FBXL20: variants seen among roughly 807,000 people sequenced by gnomAD.
The protein encoded by FBXL20 is F-box and leucine rich repeat protein 20, also known as F-box/LRR-repeat protein 20.
In FBXL20, 11 loss-of-function variants were observed where a neutral mutation model predicts 64.0. The ratio of observed to expected loss-of-function variants is 0.17; its 90% CI spans 0.11 to 0.28. FBXL20 has a LOEUF of 0.28. Among genes scored for constraint, FBXL20 ranks in the 10% least tolerant of loss-of-function variants. The pLI, the probability that FBXL20 is intolerant of heterozygous loss-of-function variation, is 1.00. For synonymous variants in FBXL20, 184 were observed against 189.0 expected (o/e 0.97, Z 0.22); for missense variants, 303 against 526.2 (o/e 0.58, Z 4.15).
At chr17:39,311,583 C>A (rs2047236071) in intron 2 of FBXL20, among the ~76,000 whole-genome samples, 1 of 152,128 alleles carries the variant, frequency 6.6e-6, no homozygotes, top group African/African-American at 2.4e-5. Flanking sequence ...GATTATCCAA[C>A]TCCACTCCCA....
At chr17:39,387,014 T>C (rs1400890057) in intron 1 of FBXL20, among the ~76,000 whole-genome samples, 2 of 152,212 alleles carry the variant, frequency 1.3e-5, no homozygotes, top group Non-Finnish European at 1.5e-5. Context: ...TTCCCTGACT[T>C]ACGATGGTTT....
chr17:39,332,536 C>CTTTTTTTT (rs58827473), intron 2 of FBXL20, among the ~76,000 whole-genome samples: 1 of 96,962 alleles, frequency 1.0e-5, no homozygotes, highest in Non-Finnish European at 1.9e-5. Context: ...TTCTTTGTAT[C>CTTTTTTTT]TTTTTTTTTT....
intron 1 of FBXL20, among the ~76,000 whole-genome samples, chr17:39,380,150 CACAAA>C (rs1167551393): frequency 6.6e-6 from 1 of 152,056 alleles, no homozygotes; most frequent in Admixed American, 6.6e-5. Context: ...TCACAGTCTA[CACAAA>C]ACAAGAGTGA....
chr17:39,340,100 G>A (rs1056732140), intron 2 of FBXL20, among the ~76,000 whole-genome samples: 4 of 152,002 alleles, frequency 2.6e-5, no homozygotes, highest in African/African-American at 9.7e-5. Flanking sequence ...CTAATTCCTG[G>A]GGTTTTTGTT....
chr17:39,313,232 T>C (rs1193106034), intron 2 of FBXL20, among the ~76,000 whole-genome samples: 1 of 147,586 alleles, frequency 6.8e-6, no homozygotes, highest in Non-Finnish European at 1.5e-5. Flanking sequence ...TTTGTTTTTT[T>C]CTTAATTTGT....
At chr17:39,348,807 C>T (rs537736921) in intron 1 of FBXL20, among the ~76,000 whole-genome samples, 3 of 152,120 alleles carry the variant, frequency 2.0e-5, no homozygotes, top group African/African-American at 4.8e-5. Context: ...CAATGCTCCC[C>T]CTTCGGCCTC....
chr17:39,389,505 C>A (rs951956291), intron 1 of FBXL20, among the ~76,000 whole-genome samples: 15 of 151,970 alleles, frequency 9.9e-5, no homozygotes, highest in Admixed American at 2.6e-4. Context: ...AGGGTATTGG[C>A]AATGCAGTGC....
intron 8 of FBXL20, among the ~76,000 whole-genome samples, chr17:39,281,899 G>A (rs2046952980): frequency 6.6e-6 from 1 of 152,158 alleles, no homozygotes; most frequent in Non-Finnish European, 1.5e-5. Context: ...CTGGAAGATA[G>A]GTGCCATGCT....
intron 2 of FBXL20, among the ~76,000 whole-genome samples, chr17:39,306,619 G>A (rs557681415): frequency 7.2e-5 from 11 of 152,234 alleles, no homozygotes; most frequent in South Asian, 4.1e-4. Context: ...GTCTATGTCT[G>A]CTTTATGCCA....
At position 39,256,282 on chromosome 17, in the gene FBXL20, T is replaced by C. The variant is rs181223475; in HGVS notation, c.*5178A>G. The C allele has an allele frequency of 5.0e-4, 66 of 133,312 alleles. No homozygotes were observed. Among genetic ancestry groups the C allele is most frequent in the African/African-American group, 1.8e-3 (62 of 34,372 alleles). 8.3% of individuals were successfully genotyped at this position (133,312 alleles called of 1,614,324 possible). ...GTTGCAGTGAACTGAGATTGTGCCA[T>C]GGCACTCCAACCTGGGTGACAGAGC... is the stretch of plus-strand genomic sequence containing the variant. On this transcript the variant is annotated 3_prime_UTR_variant, in exon 15 of 15. Coordinates refer to ENST00000264658, the MANE Select transcript of FBXL20 (RefSeq NM_032875.3).
At chr17:39,356,347 T>C (rs1333897307) in intron 1 of FBXL20, among the ~76,000 whole-genome samples, 1 of 152,036 alleles carries the variant, frequency 6.6e-6, no homozygotes, top group African/African-American at 2.4e-5. Context: ...AGATATACAA[T>C]TGTTTCACCA....
chr17:39,303,346 A>G (rs111827586), intron 3 of FBXL20, among the ~76,000 whole-genome samples: 1,633 of 152,272 alleles, frequency 0.011, 28 homozygotes, highest in African/African-American at 0.037. Flanking sequence ...TTGCTTTTTC[A>G]TCGAAAATGT....
At chr17:39,289,247 T>G (rs1356449791) in intron 6 of FBXL20, among the ~76,000 whole-genome samples, 4 of 152,222 alleles carry the variant, frequency 2.6e-5, no homozygotes, top group Non-Finnish European at 5.9e-5. Flanking sequence ...AACCTCTGCA[T>G]TTGCACATGA....
intron 2 of FBXL20, among the ~76,000 whole-genome samples, chr17:39,338,346 A>G (rs936774200): frequency 7.8e-4 from 113 of 145,582 alleles, no homozygotes; most frequent in Admixed American, 9.7e-4. Context: ...CAGCATGCTC[A>G]TTAAGAGTCA....
chr17:39,334,782 C>T (rs1490852528), intron 2 of FBXL20, among the ~76,000 whole-genome samples: 3 of 152,090 alleles, frequency 2.0e-5, no homozygotes, highest in Admixed American at 6.6e-5. Context: ...CAGTTATCAA[C>T]GTCATCCTCA....
At chr17:39,292,197 C>T (rs2047045593) in intron 6 of FBXL20, among the ~76,000 whole-genome samples, 1 of 150,352 alleles carries the variant, frequency 6.7e-6, no homozygotes, top group East Asian at 1.9e-4. Flanking sequence ...TTTTATAAGC[C>T]AGGGGTACTA....
At chr17:39,307,599 T>C (rs1289516036) in intron 2 of FBXL20, among the ~76,000 whole-genome samples, 1 of 152,168 alleles carries the variant, frequency 6.6e-6, no homozygotes, top group Non-Finnish European at 1.5e-5. Flanking sequence ...AACAATTCTA[T>C]AAGATAGGTA....
intron 6 of FBXL20, among the ~76,000 whole-genome samples, chr17:39,288,638 A>AT (rs896176595): frequency 1.3e-5 from 2 of 150,950 alleles, no homozygotes; most frequent in African/African-American, 4.9e-5. Flanking sequence ...TATTTTTTTA[A>AT]TTTTTTCCCC....
chr17:39,389,876 G>C (rs905105609), intron 1 of FBXL20, among the ~76,000 whole-genome samples: 1 of 152,104 alleles, frequency 6.6e-6, no homozygotes, highest in Non-Finnish European at 1.5e-5. Context: ...TCATGTCATA[G>C]CTTTACTTTC....
Sources: gnomAD v4.1 joint callset for allele counts (sites outside exome capture counted in the v4.1 genomes callset) on GRCh38, gnomAD v4.1.1 for gene constraint, MANE v1.5 for transcripts, NCBI Gene and HGNC (gene_info 2026-07-23, HGNC 2026-07-21) for gene names.